Variants in WDR26 observed in about 807,000 individuals in gnomAD.
WDR26 encodes WD repeat domain 26, also known as WD repeat-containing protein 26.
In WDR26, 5 loss-of-function variants were observed where a neutral mutation model predicts 84.1. The ratio of observed to expected loss-of-function variants is 0.06; its 90% confidence interval spans 0.03 to 0.13. WDR26 has a LOEUF of 0.13. WDR26 is among the 10% of genes least tolerant of loss of function. WDR26 has a pLI of 1.00. For synonymous variants in WDR26, 415 were observed against 389.6 expected (o/e 1.07, Z -0.77); for missense variants, 642 against 974.9 (o/e 0.66, Z 4.55).
chr1:224,411,408 C>G lies in WDR26; in HGVS notation c.1458+19G>C. On this transcript the variant is annotated intron_variant, in intron 7 of 13. Transcript: ENST00000414423. ...ATTATCCCCTTTTGTAATATAAACA[C>G]TCATATTGGGGTACATACCGGATCA... 1 of 1,589,858 alleles carries G rather than the reference C, an allele frequency of 6.3e-7. No individual in the cohort carries two copies. The highest frequency in any genetic ancestry group is 8.5e-7 in the Non-Finnish European group (1 of 1,170,758).
rs577049377 is a variant in WDR26 at position 224,428,870 on chromosome 1, C to T, written c.927+2607G>A. 4.0e-5 allele frequency among the ~76,000 whole-genome samples: 6 copies of T among 150,066 alleles called. No homozygotes were observed. The East Asian group carries it at 5.8e-4, about 15-fold the overall frequency. On this transcript the variant is annotated intron_variant, in intron 3 of 13. Coordinates refer to ENST00000414423, the MANE Select transcript of WDR26 (RefSeq NM_001379403.1). ...GCAGTGAGCCAAGATTGCGCCATTG[C>T]ACTCCAGTCTGGGCAATAAGAGAAA... is the stretch of plus-strand genomic sequence containing the variant.
intron 3 of WDR26, among the ~76,000 whole-genome samples, chr1:224,425,084 A>T (rs868185527): frequency 6.6e-6 from 1 of 152,210 alleles, no homozygotes; most frequent in Non-Finnish European, 1.5e-5. Context: ...AAGATTAGAG[A>T]AAAAAATAGC....
intron 7 of WDR26, among the ~76,000 whole-genome samples, chr1:224,407,151 A>AAAAT: frequency 1.7e-4 from 2 of 11,876 alleles, no homozygotes; most frequent in Admixed American, 1.3e-3. Context: ...AAAAAAAAAA[A>AAAAT]ATATATATAT....
At chr1:224,403,742 G>A (rs916412340) in intron 8 of WDR26, among the ~76,000 whole-genome samples, 1 of 152,196 alleles carries the variant, frequency 6.6e-6, no homozygotes, top group Non-Finnish European at 1.5e-5. Context: ...TTCGAGACTA[G>A]CCTGGCCAAC....
chr1:224,407,171 TAA>T (rs1491292157), intron 7 of WDR26, among the ~76,000 whole-genome samples: 4 of 94,466 alleles, frequency 4.2e-5, no homozygotes, highest in African/African-American at 1.7e-4. Flanking sequence ...TATATATATA[TAA>T]CTCAAAAACT....
chr1:224,418,149 G>A, intron 6 of WDR26, 111 bp downstream of exon 6: 1 of 851,288 alleles, frequency 1.2e-6, no homozygotes, highest in African/African-American at 1.7e-5. Flanking sequence ...GTGAACAAAT[G>A]CTAAATCAGA....
At chr1:224,390,622 A>G (rs1048486671) in intron 13 of WDR26, among the ~76,000 whole-genome samples, 4 of 152,032 alleles carry the variant, frequency 2.6e-5, no homozygotes, top group African/African-American at 9.7e-5. Context: ...TTTTTTGGGG[A>G]GGTGTATAAC....
chr1:224,402,351 T>C (rs896679639), intron 8 of WDR26, among the ~76,000 whole-genome samples: 2 of 152,198 alleles, frequency 1.3e-5, no homozygotes, highest in African/African-American at 2.4e-5. Flanking sequence ...ACACAAGCAA[T>C]AGCTAAATTC....
At chr1:224,393,730 C>T (rs2102886565) in intron 13 of WDR26, 98 bp downstream of exon 13, 1 of 1,025,896 alleles carries the variant, frequency 9.7e-7, no homozygotes, top group South Asian at 2.5e-5. Flanking sequence ...TCATATACCA[C>T]ACTTTAAATA....
intron 3 of WDR26, chr1:224,430,465 T>TTA (rs1383032511): frequency 6.6e-6 from 1 of 152,164 alleles, no homozygotes; most frequent in African/African-American, 2.4e-5. Context: ...TTGTGTAGAA[T>TTA]TATACTGAGT....
At chr1:224,393,057 T>C (rs372535661) in intron 13 of WDR26, among the ~76,000 whole-genome samples, 4 of 152,244 alleles carry the variant, frequency 2.6e-5, no homozygotes, top group African/African-American at 9.6e-5. Context: ...AGTACTGATA[T>C]ATCATGTTCA....
intron 7 of WDR26, among the ~76,000 whole-genome samples, chr1:224,408,961 C>T (rs895417174): frequency 2.0e-5 from 3 of 152,116 alleles, no homozygotes; most frequent in African/African-American, 4.8e-5. Context: ...TATTATTAAA[C>T]ACAGCCTGAA....
rs376014283 is a variant in WDR26, at chr1:224,414,191, T to C, written c.1320-2626A>G. Among the ~76,000 whole-genome samples, 7 of 142,752 alleles carry C rather than the reference T, an allele frequency of 4.9e-5. No homozygotes were observed. The East Asian group carries it at 1.2e-3, about 25-fold the overall frequency. The allele number at this position is 142,752 out of a possible 152,430, so 93.7% of individuals were successfully genotyped here. ...CACGATCTCGGCTCACTGCAATCTC[T>C]ACCTCCCGGGTTCAAGCAATTCTCC... is the stretch of plus-strand genomic sequence containing the variant. On this transcript the variant is annotated intron_variant, in intron 6 of 13. Transcript: ENST00000414423.
intron 3 of WDR26, among the ~76,000 whole-genome samples, chr1:224,427,356 C>T (rs1674260531): frequency 6.6e-6 from 1 of 151,754 alleles, no homozygotes; most frequent in South Asian, 2.1e-4. Context: ...GGCTCCTATG[C>T]CCACCCCTCC....
intron 7 of WDR26, among the ~76,000 whole-genome samples, chr1:224,409,734 C>CT (rs1459697478): frequency 6.6e-6 from 1 of 151,638 alleles, no homozygotes; most frequent in Non-Finnish European, 1.5e-5. Flanking sequence ...GTCGTGGTGC[C>CT]TGCCTGTAGT....
chr1:224,385,542 T>C lies in WDR26; in HGVS notation c.*4293A>G, dbSNP rs1288576741. 1 of 152,656 alleles carries C rather than the reference T, an allele frequency of 6.6e-6. No homozygotes were observed. Among genetic ancestry groups the C allele is most frequent in the Admixed American group, 6.5e-5 (1 of 15,282 alleles). The allele number at this position is 152,656 out of a possible 1,614,324, so 9.5% of individuals were successfully genotyped here. A position where few individuals can be genotyped will look rare whatever the true frequency, so the allele number is the denominator to read the frequency against. Reference sequence around the variant, plus strand: ...TAATCAGTCCATAGCAAATAGTTATTACATACCAAAAGCTCTAAGTGTTAA... The same window carrying C: ...TAATCAGTCCATAGCAAATAGTTATCACATACCAAAAGCTCTAAGTGTTAA... On this transcript the variant is annotated 3_prime_UTR_variant, in exon 14 of 14. Transcript: ENST00000414423.
chr1:224,428,959 C>G (rs1014433733), intron 3 of WDR26, among the ~76,000 whole-genome samples: 1 of 150,746 alleles, frequency 6.6e-6, no homozygotes, highest in Admixed American at 6.6e-5. Flanking sequence ...TTCCTAGTAC[C>G]ATTTAATCGG....
intron 7 of WDR26, among the ~76,000 whole-genome samples, chr1:224,406,080 C>T (rs1673541423): frequency 1.3e-5 from 2 of 152,110 alleles, no homozygotes; most frequent in Admixed American, 1.3e-4. Context: ...ATATTTTGGG[C>T]TGGACACTAT....
chr1:224,403,899 C>A (rs1473671454), intron 8 of WDR26, among the ~76,000 whole-genome samples: 1 of 151,964 alleles, frequency 6.6e-6, no homozygotes, highest in Non-Finnish European at 1.5e-5. Context: ...ATTGCGCCAC[C>A]GCACTCCAGC....
Sources: allele counts gnomAD v4.1 joint callset (sites outside exome capture counted in the v4.1 genomes callset), GRCh38; gene constraint gnomAD v4.1.1; transcripts MANE v1.5; gene names NCBI Gene and HGNC (gene_info 2026-07-23, HGNC 2026-07-21).